Variants in YTHDC2 observed in about 807,000 individuals in gnomAD.
YTHDC2 encodes the protein YTH N6-methyladenosine RNA binding protein C2.
In YTHDC2, 45 loss-of-function variants were observed where a neutral mutation model predicts 174.9. The ratio of observed to expected loss-of-function variants is 0.26; its 90% confidence interval spans 0.20 to 0.33. The LOEUF (loss-of-function observed/expected upper bound fraction) is 0.33, where lower values mean the gene tolerates loss of function less well. Ranked by LOEUF, YTHDC2 falls within the 10% of genes least tolerant of loss-of-function variation. YTHDC2 has a pLI of 1.00. For missense variants in YTHDC2, 1,650 were observed against 1,723.7 expected (o/e 0.96, Z 0.76); for synonymous variants, 657 against 574.5 (o/e 1.14, Z -2.05).
At chr5:113,592,495 T>C in intron 28 of YTHDC2, 1 of 184,530 alleles carries the variant, frequency 5.4e-6, no homozygotes, top group Non-Finnish European at 1.1e-5. Flanking sequence ...TGATGCTATT[T>C]ACATGCATTT....
chr5:113,535,593 C>A lies in YTHDC2; in HGVS notation c.946-49C>A. 2.0e-6 allele frequency: 3 copies of A among 1,479,076 alleles called. No individual in the cohort carries two copies. The South Asian group carries it at 4.3e-5, about 21-fold the overall frequency. The allele number at this position is 1,479,076 out of a possible 1,614,324, so 91.6% of individuals were successfully genotyped here. On this transcript the variant is annotated intron_variant, in intron 6 of 29. Transcript: ENST00000161863. ...GTGCCATTGTTTTTAAAGACTTAGT[C>A]ATCAATAATGTTTTAACTGTTCCAT... is the stretch of plus-strand genomic sequence containing the variant.
At chr5:113,516,492 T>A (rs1773434819) in intron 2 of YTHDC2, among the ~76,000 whole-genome samples, 1 of 152,216 alleles carries the variant, frequency 6.6e-6, no homozygotes, top group Non-Finnish European at 1.5e-5. Flanking sequence ...GCTTTCTCAC[T>A]GTTGGTGCTA....
At chr5:113,516,709 A>G (rs1773448448) in intron 2 of YTHDC2, among the ~76,000 whole-genome samples, 2 of 140,672 alleles carry the variant, frequency 1.4e-5, no homozygotes, top group Non-Finnish European at 3.0e-5. Context: ...GAAAAGGATA[A>G]AATTTCAGCT....
chr5:113,577,680 A>ATTAAT (rs1344767162), intron 23 of YTHDC2, among the ~76,000 whole-genome samples: 2 of 152,130 alleles, frequency 1.3e-5, no homozygotes, highest in African/African-American at 4.8e-5. Flanking sequence ...TCTTTTGTAT[A>ATTAAT]TTAATTTAAT....
At chr5:113,543,835 C>T (rs1775650740) in intron 10 of YTHDC2, among the ~76,000 whole-genome samples, 1 of 152,178 alleles carries the variant, frequency 6.6e-6, no homozygotes, top group Non-Finnish European at 1.5e-5. Flanking sequence ...TTTCATATGC[C>T]TAGAATACTA....
At chr5:113,562,159 G>T (rs1777032007) in intron 18 of YTHDC2, among the ~76,000 whole-genome samples, 1 of 148,784 alleles carries the variant, frequency 6.7e-6, no homozygotes, top group South Asian at 2.1e-4. Context: ...TACCTAAGAT[G>T]ATTTCCCACT....
chr5:113,559,299 T>G (rs892392309), intron 17 of YTHDC2, among the ~76,000 whole-genome samples: 32 of 152,276 alleles, frequency 2.1e-4, no homozygotes, highest in African/African-American at 7.2e-4. Context: ...TATTAACTTG[T>G]TATAACGTAT....
intron 2 of YTHDC2, 47 bp downstream of exon 2, chr5:113,515,409 C>CA: frequency 3.4e-6 from 5 of 1,489,538 alleles, no homozygotes; most frequent in Non-Finnish European, 2.8e-6. Flanking sequence ...ATTATTTGCC[C>CA]AAAAAAGGGA....
intron 8 of YTHDC2, among the ~76,000 whole-genome samples, chr5:113,539,585 G>A (rs941764333): frequency 6.6e-6 from 1 of 152,212 alleles, no homozygotes; most frequent in African/African-American, 2.4e-5. Context: ...AAATCTTGAT[G>A]ATGTTACAGG....
chr5:113,573,057 AGT>A (rs1777833721), intron 23 of YTHDC2, among the ~76,000 whole-genome samples: 1 of 152,192 alleles, frequency 6.6e-6, no homozygotes, highest in African/African-American at 2.4e-5. Flanking sequence ...GTTGCTTCAT[AGT>A]GTTACTGGTT....
At chr5:113,556,943 G>A (rs1487216768) in intron 17 of YTHDC2, among the ~76,000 whole-genome samples, 1 of 152,204 alleles carries the variant, frequency 6.6e-6, no homozygotes, top group African/African-American at 2.4e-5. Flanking sequence ...GGCTTTCTGG[G>A]TAGCTGTTAA....
At chr5:113,515,201 T>A (rs1773322570) in intron 1 of YTHDC2, 71 bp from the exon 2 acceptor site, 1 of 1,076,344 alleles carries the variant, frequency 9.3e-7, no homozygotes, top group South Asian at 1.4e-5. Flanking sequence ...TCATATTTTG[T>A]ATCTGTGTGT....
chr5:113,538,440 C>A (rs1297306560), intron 7 of YTHDC2, among the ~76,000 whole-genome samples: 4 of 152,144 alleles, frequency 2.6e-5, no homozygotes, highest in Non-Finnish European at 5.9e-5. Flanking sequence ...TCTCCATTCC[C>A]ACACTCCCAC....
At chr5:113,533,709 T>C (rs1774854272) in intron 5 of YTHDC2, among the ~76,000 whole-genome samples, 1 of 152,184 alleles carries the variant, frequency 6.6e-6, no homozygotes, top group Admixed American at 6.5e-5. Context: ...AGTGAATTTA[T>C]TATCAGTAGT....
chr5:113,534,487 A>T, intron 6 of YTHDC2, 80 bp downstream of exon 6: 2 of 1,234,542 alleles, frequency 1.6e-6, no homozygotes, highest in Admixed American at 3.6e-5. Context: ...GGATAGTCTC[A>T]AAAAATTTAA....
chr5:113,589,546 G>T (rs1436795074), intron 26 of YTHDC2, among the ~76,000 whole-genome samples: 1 of 151,142 alleles, frequency 6.6e-6, no homozygotes, highest in African/African-American at 2.4e-5. Flanking sequence ...GGGCAACATA[G>T]GAAGACCCTA....
rs1036948072 is a variant in YTHDC2 at position 113,584,468 on chromosome 5, T to C, written c.3814T>C (p.Ser1272Pro). 28 of 1,610,506 alleles carry C rather than the reference T, an allele frequency of 1.7e-5. No individual in the cohort carries two copies. The highest frequency in any genetic ancestry group is 2.2e-5 in the Non-Finnish European group (26 of 1,178,294). The change falls in exon 26 of 30, where the codon TCC becomes CCC. Residue 1272 changes from serine to proline, a missense_variant. Transcript: ENST00000161863. Reference protein sequence around the residue: ...PSPCASPSPPSSGKGSKSPSP... With the variant: ...PSPCASPSPPPSGKGSKSPSP... ...TCCTTGTGCTAGTCCTTCTCCTCCA[T>C]CCTCAGGAAAGGTAAGAGTATCTGA...
intron 4 of YTHDC2, among the ~76,000 whole-genome samples, chr5:113,529,502 T>C (rs1226341486): frequency 1.3e-5 from 2 of 152,178 alleles, no homozygotes; most frequent in Admixed American, 6.5e-5. Context: ...CTTTCTGTAC[T>C]GAAAGTATTG....
chr5:113,593,108 C>G (rs1779092648), intron 28 of YTHDC2, 195 bp from the exon 29 acceptor site: 1 of 395,076 alleles, frequency 2.5e-6, no homozygotes, highest in Non-Finnish European at 4.6e-6. Context: ...TAACTGTAAT[C>G]TTAAATCTGG....
Sources: allele counts gnomAD v4.1 joint callset (sites outside exome capture counted in the v4.1 genomes callset), GRCh38; gene constraint gnomAD v4.1.1; transcripts MANE v1.5; gene names NCBI Gene and HGNC (gene_info 2026-07-23, HGNC 2026-07-21).